EXOC6: variants seen among roughly 807,000 people sequenced by gnomAD.
The protein encoded by EXOC6 is exocyst complex component 6.
A neutral mutation model predicts 112.5 loss-of-function variants in EXOC6; 60 were observed. That is an observed-to-expected ratio of 0.53 (90% CI 0.43 to 0.66). EXOC6 has a LOEUF of 0.66. EXOC6 is among the 30% of genes least tolerant of loss of function. EXOC6 has a pLI of 0.00. For missense variants in EXOC6, 855 were observed against 957.1 expected, an observed-to-expected ratio of 0.89 and a Z score of 1.41; for synonymous variants, 295 against 308.0, an observed-to-expected ratio of 0.96 and a Z score of 0.44.
chr10:92,978,432 G>A (rs1842714071), intron 18 of EXOC6, among the ~76,000 whole-genome samples: 1 of 151,708 alleles, frequency 6.6e-6, no homozygotes, highest in South Asian at 2.1e-4. Flanking sequence ...AGAGAAAAAT[G>A]GTCCTAACAA....
chr10:93,038,676 C>T lies in EXOC6; in HGVS notation c.2170-18248C>T, dbSNP rs115856530. Among the ~76,000 whole-genome samples, 766 of 152,206 alleles carry T rather than the reference C, an allele frequency of 5.0e-3. 4 individuals are homozygous for T. The highest frequency in any genetic ancestry group is 0.013 in the African/African-American group (529 of 41,530). ...TTTTCATGTATAATCTCTGCTTTTC[C>T]TTCATGGCTGTTTTGTCCCAGAAGA... On this transcript the variant is annotated intron_variant, in intron 20 of 21. Transcript: ENST00000260762.
At chr10:93,056,896 G>C in intron 20 of EXOC6, 28 bp from the exon 21 acceptor site, 1 of 1,283,710 alleles carries the variant, frequency 7.8e-7, no homozygotes, top group East Asian at 2.4e-5. Context: ...ATCAAAAGTT[G>C]ATTTAACATT....
At chr10:92,848,451 C>CCCCGA, upstream of EXOC6, 4 of 1,089,004 alleles carry the variant, frequency 3.7e-6, no homozygotes, top group Non-Finnish European at 4.6e-6. Flanking sequence ...CCCGCCCCGC[C>CCCCGA]CCTTCGCGCT....
intron 14 of EXOC6, among the ~76,000 whole-genome samples, chr10:92,951,649 T>G (rs1027997684): frequency 6.6e-6 from 1 of 152,160 alleles, no homozygotes; most frequent in Non-Finnish European, 1.5e-5. Flanking sequence ...AATAACAATC[T>G]TGGAAGGAGT....
Position 92,972,127 on chromosome 10 carries a change from C to T in EXOC6, c.1774-1926C>T, listed in dbSNP as rs1000991373. On this transcript the variant is annotated intron_variant, in intron 17 of 21. Coordinates refer to ENST00000260762, the MANE Select transcript of EXOC6 (RefSeq NM_019053.6). ...TCCCCTAGTCTTTGCCAAAGGGCTC[C>T]GTGCACATGTTGGGGTGTGTCTTAA... Among the ~76,000 whole-genome samples the T allele has an allele frequency of 4.6e-5, 7 of 152,144 alleles. No individual in the cohort carries two copies. In the South Asian group the frequency reaches 6.2e-4, roughly 14 times the overall value.
intron 8 of EXOC6, 39 bp from the exon 9 acceptor site, chr10:92,928,300 G>A: frequency 8.9e-7 from 1 of 1,129,910 alleles, no homozygotes; most frequent in Non-Finnish European, 1.3e-6. Context: ...GTATGTGTGT[G>A]TATGTGTATT....
chr10:92,991,725 T>TTCTCTC lies in EXOC6; in HGVS notation c.1954-5725_1954-5720dup, dbSNP rs72252880. On this transcript the variant is annotated intron_variant, in intron 18 of 21. Transcript: ENST00000260762. ...CAACTTTAAGATGATCACGTTCTAT[T>TTCTCTC]TCTCTCTCTCTCTCTCTCTCTCTCT... Among the ~76,000 whole-genome samples, 460 of 149,106 alleles carry TTCTCTC rather than the reference T, an allele frequency of 3.1e-3. 3 individuals carry two copies. The highest frequency in any genetic ancestry group is 0.02 in the East Asian group (97 of 4,924).
chr10:93,040,555 C>T (rs1590092003), intron 20 of EXOC6, among the ~76,000 whole-genome samples: 1 of 152,172 alleles, frequency 6.6e-6, no homozygotes, highest in Admixed American at 6.5e-5. Context: ...CCTGCTTTAT[C>T]GTTTTCTTAG....
At chr10:93,031,510 C>CTTTTTTTTTTTTTTTTTTTTTTTTT (rs778524287) in intron 20 of EXOC6, among the ~76,000 whole-genome samples, 7 of 130,452 alleles carry the variant, frequency 5.4e-5, no homozygotes, top group Non-Finnish European at 6.5e-5. Flanking sequence ...TTCTTTCTTT[C>CTTTTTTTTTTTTTTTTTTTTTTTTT]TTTTTTTTTT....
chr10:93,038,152 G>T (rs1406785541), intron 20 of EXOC6, among the ~76,000 whole-genome samples: 1 of 150,206 alleles, frequency 6.7e-6, no homozygotes, highest in African/African-American at 2.5e-5. Context: ...GTTATGGGAA[G>T]TTTAAATATT....
Position 92,915,826 on chromosome 10 carries a change from GTA to G in EXOC6, c.737_738del (p.Ile246LysfsTer3). 6.5e-7 allele frequency: 1 copy of G among 1,536,320 alleles called. No individual in the cohort carries two copies. Among genetic ancestry groups the G allele is most frequent in the Non-Finnish European group, 8.7e-7 (1 of 1,150,342 alleles). On this transcript the variant is annotated frameshift_variant, in exon 7 of 22. Transcript: ENST00000260762. LOFTEE classifies it high-confidence loss of function. ...QNKMKFGKNM[Y>X]INRDRIPEER... is the part of the protein sequence containing the mutation. ...ATAAAATGAAATTTGGGAAAAATAT[GTA>G]TATAAATCGTGATAGAATTCCAGAG... is the stretch of plus-strand genomic sequence containing the variant.
chr10:92,859,532 CT>C (rs1416698089), intron 1 of EXOC6, among the ~76,000 whole-genome samples: 1 of 152,174 alleles, frequency 6.6e-6, no homozygotes, highest in East Asian at 1.9e-4. Context: ...ATTTGGTCCT[CT>C]TTGCAGTGGC....
chr10:92,963,029 A>C (rs915492689), intron 17 of EXOC6, among the ~76,000 whole-genome samples: 2 of 152,230 alleles, frequency 1.3e-5, no homozygotes, highest in African/African-American at 4.8e-5. Context: ...GATTTTAATC[A>C]GCAGAGATGA....
chr10:92,963,471 A>G (rs1236082318), intron 17 of EXOC6, among the ~76,000 whole-genome samples: 1 of 151,960 alleles, frequency 6.6e-6, no homozygotes, highest in Non-Finnish European at 1.5e-5. Context: ...CTTTAGAACT[A>G]TGATATTATT....
intron 18 of EXOC6, among the ~76,000 whole-genome samples, chr10:92,988,836 C>G (rs1843115936): frequency 7.3e-6 from 1 of 137,352 alleles, no homozygotes; most frequent in Non-Finnish European, 1.6e-5. Flanking sequence ...CACACACACA[C>G]ACACGCATTT....
chr10:93,039,038 G>T (rs1240332049), intron 20 of EXOC6, among the ~76,000 whole-genome samples: 1 of 151,912 alleles, frequency 6.6e-6, no homozygotes, highest in East Asian at 1.9e-4. Context: ...ATTAAAAAAG[G>T]CCGGTCATGG....
upstream of EXOC6, among the ~76,000 whole-genome samples, chr10:92,833,649 C>T (rs1846562209): frequency 1.3e-5 from 2 of 151,962 alleles, no homozygotes; most frequent in African/African-American, 4.8e-5. Flanking sequence ...AGAGAACAAA[C>T]GTCAATTTTT....
At chr10:93,053,749 C>T (rs1846411507) in intron 20 of EXOC6, among the ~76,000 whole-genome samples, 2 of 152,236 alleles carry the variant, frequency 1.3e-5, no homozygotes, top group Non-Finnish European at 2.9e-5. Context: ...TCCTGAATAT[C>T]TACTGAGTGG....
At chr10:92,891,157 G>T (rs55929600) in intron 1 of EXOC6, among the ~76,000 whole-genome samples, 5,307 of 152,232 alleles carry the variant, frequency 0.035, 195 homozygotes, top group East Asian at 0.14. Flanking sequence ...AGATGAGGAA[G>T]ACTATGGGAA....
Sources: allele counts gnomAD v4.1 joint callset (sites outside exome capture counted in the v4.1 genomes callset), GRCh38; gene constraint gnomAD v4.1.1; transcripts MANE v1.5; gene names NCBI Gene and HGNC (gene_info 2026-07-23, HGNC 2026-07-21).